C2orf66: variants seen among roughly 807,000 people sequenced by gnomAD.
C2orf66 encodes the protein chromosome 2 open reading frame 66.
In C2orf66, 6 loss-of-function variants were observed where a neutral mutation model predicts 7.0. That is an observed-to-expected ratio of 0.86 (90% CI 0.47 to 1.69). C2orf66 has a LOEUF of 1.69. C2orf66 is among the 40% of genes most tolerant of loss of function. The pLI is 0.01. For synonymous variants in C2orf66, 38 were observed against 43.8 expected (o/e 0.87, Z 0.52); for missense variants, 107 against 112.0 (o/e 0.96, Z 0.20).
At position 196,804,854 on chromosome 2, in the gene C2orf66, C is replaced by G. The variant is rs1315474089; in HGVS notation, c.*574G>C. 1 of 152,184 alleles carries G rather than the reference C, an allele frequency of 6.6e-6. No individual in the cohort carries two copies. The highest frequency in any genetic ancestry group is 1.5e-5 in the Non-Finnish European group (1 of 68,028). 9.4% of individuals were successfully genotyped at this position (152,184 alleles called of 1,614,324 possible). Reference sequence around the variant, plus strand: ...ATCCCATGTTTGTTGTTGTTGTTTGCTTCCATTTTAACTTAATTGTGGCTG... The same window carrying G: ...ATCCCATGTTTGTTGTTGTTGTTTGGTTCCATTTTAACTTAATTGTGGCTG... On this transcript the variant is annotated 3_prime_UTR_variant, in exon 3 of 3. Transcript: ENST00000342506.
chr2:196,819,453 G>A, the C2orf66 span, among the ~76,000 whole-genome samples: 29 of 152,242 alleles, frequency 1.9e-4, no homozygotes, highest in Admixed American at 2.6e-4. Flanking sequence ...GGATGGCTTC[G>A]CCAGAACCCA....
the C2orf66 span, among the ~76,000 whole-genome samples, chr2:196,828,640 T>G: frequency 4.6e-5 from 7 of 152,208 alleles, no homozygotes; most frequent in Non-Finnish European, 1.0e-4. Context: ...ATTATGTCAG[T>G]GGACCTAAGA....
At chr2:196,807,339 G>A in intron 2 of C2orf66, 85 bp downstream of exon 2, 1 of 787,060 alleles carries the variant, frequency 1.3e-6, no homozygotes, top group Non-Finnish European at 2.0e-6. Flanking sequence ...ATAAAATTAT[G>A]TTTTCAAATA....
the C2orf66 span, among the ~76,000 whole-genome samples, chr2:196,821,310 A>C: frequency 6.6e-6 from 1 of 152,218 alleles, no homozygotes; most frequent in African/African-American, 2.4e-5. Context: ...CTGTTGTTTT[A>C]AGCCATCCAG....
upstream of C2orf66, among the ~76,000 whole-genome samples, chr2:196,813,550 A>G (rs1303743978): frequency 6.6e-6 from 1 of 152,228 alleles, no homozygotes; most frequent in East Asian, 1.9e-4. Flanking sequence ...ACCAAAAGCA[A>G]TGGCAACAAA....
chr2:196,816,848 C>T, the C2orf66 span, among the ~76,000 whole-genome samples: 2 of 152,160 alleles, frequency 1.3e-5, no homozygotes, highest in African/African-American at 4.8e-5. Context: ...CCCCATATTT[C>T]AATGTGGGTT....
the C2orf66 span, among the ~76,000 whole-genome samples, chr2:196,818,961 G>T: frequency 6.6e-6 from 1 of 152,108 alleles, no homozygotes; most frequent in Non-Finnish European, 1.5e-5. Flanking sequence ...CTAAACTCTT[G>T]ATTGTGATGT....
At chr2:196,820,844 G>C in the C2orf66 span, among the ~76,000 whole-genome samples, 1 of 152,178 alleles carries the variant, frequency 6.6e-6, no homozygotes, top group Non-Finnish European at 1.5e-5. Context: ...AGTAGTATGA[G>C]ACCTTAGAAG....
chr2:196,819,928 G>C, the C2orf66 span, among the ~76,000 whole-genome samples: 1 of 152,176 alleles, frequency 6.6e-6, no homozygotes, highest in Admixed American at 6.5e-5. Flanking sequence ...GACCAGTAAA[G>C]TGTAAATTAA....
chr2:196,813,062 C>G (rs1036275414), upstream of C2orf66, among the ~76,000 whole-genome samples: 1 of 151,980 alleles, frequency 6.6e-6, no homozygotes, highest in Non-Finnish European at 1.5e-5. Context: ...ACTTTCTTCA[C>G]AGAACTGGAA....
At chr2:196,814,272 G>A (rs1363295305), upstream of C2orf66, among the ~76,000 whole-genome samples, 1 of 152,156 alleles carries the variant, frequency 6.6e-6, no homozygotes, top group Non-Finnish European at 1.5e-5. Context: ...GTCCTTTGCA[G>A]GGACATGGAT....
chr2:196,806,786 G>A (rs1312123903), intron 2 of C2orf66, among the ~76,000 whole-genome samples: 8 of 151,994 alleles, frequency 5.3e-5, no homozygotes, highest in African/African-American at 1.9e-4. Context: ...AACCCAGGAG[G>A]TGGAGGGTGC....
chr2:196,824,080 G>T, the C2orf66 span, among the ~76,000 whole-genome samples: 3 of 151,884 alleles, frequency 2.0e-5, no homozygotes, highest in Non-Finnish European at 4.4e-5. Context: ...TAATTAGTAT[G>T]GTCAGAAAAG....
the C2orf66 span, among the ~76,000 whole-genome samples, chr2:196,829,924 C>A: frequency 6.6e-6 from 1 of 151,412 alleles, no homozygotes; most frequent in Non-Finnish European, 1.5e-5. Flanking sequence ...ACAAAAACGA[C>A]AACAACAACA....
the C2orf66 span, among the ~76,000 whole-genome samples, chr2:196,817,436 C>A: frequency 1.3e-5 from 2 of 151,926 alleles, no homozygotes; most frequent in African/African-American, 4.8e-5. Context: ...AGGGTTTCAC[C>A]GTGTTAGCCA....
the C2orf66 span, among the ~76,000 whole-genome samples, chr2:196,823,530 C>T: frequency 2.0e-5 from 3 of 151,864 alleles, no homozygotes; most frequent in Admixed American, 6.6e-5. Flanking sequence ...GGGGCTGAGG[C>T]AGGAGGATCA....
chr2:196,827,072 G>T, the C2orf66 span, among the ~76,000 whole-genome samples: 2 of 149,096 alleles, frequency 1.3e-5, no homozygotes, highest in African/African-American at 5.1e-5. Flanking sequence ...CAAAGCAATT[G>T]AGCCTGGGCA....
the C2orf66 span, among the ~76,000 whole-genome samples, chr2:196,827,448 T>A: frequency 6.6e-6 from 1 of 152,024 alleles, no homozygotes; most frequent in Admixed American, 6.6e-5. Flanking sequence ...GGTCAAAATC[T>A]TTTCCAGAAA....
chr2:196,826,093 G>T, the C2orf66 span, among the ~76,000 whole-genome samples: 2 of 152,086 alleles, frequency 1.3e-5, no homozygotes, highest in Non-Finnish European at 2.9e-5. Context: ...ACCAACAAAA[G>T]AAAATAATAA....
Sources: allele counts gnomAD v4.1 joint callset (sites outside exome capture counted in the v4.1 genomes callset), GRCh38; gene constraint gnomAD v4.1.1; transcripts MANE v1.5; gene names NCBI Gene and HGNC (gene_info 2026-07-23, HGNC 2026-07-21).